Variants in PALLD observed in about 807,000 individuals in gnomAD.
PALLD encodes palladin.
In PALLD, 61 loss-of-function variants were observed where a neutral mutation model predicts 123.5. The ratio of observed to expected loss-of-function variants is 0.49; its 90% CI spans 0.40 to 0.61. The LOEUF (loss-of-function observed/expected upper bound fraction) is 0.61. Ranked by LOEUF, PALLD falls within the 20% of genes least tolerant of loss-of-function variation. The pLI is 0.00. For synonymous variants in PALLD, 465 were observed against 496.4 expected, an observed-to-expected ratio of 0.94 and a Z score of 0.84; for missense variants, 1,273 against 1,377.0, an observed-to-expected ratio of 0.92 and a Z score of 1.20.
intron 2 of PALLD, among the ~76,000 whole-genome samples, chr4:168,658,898 C>T (rs1331289982): frequency 6.6e-6 from 1 of 152,206 alleles, no homozygotes; most frequent in Admixed American, 6.5e-5. Flanking sequence ...TAAAGTACAT[C>T]TGTTGTCCAC....
chr4:168,593,926 C>T (rs142553557), intron 2 of PALLD, among the ~76,000 whole-genome samples: 5 of 152,230 alleles, frequency 3.3e-5, no homozygotes, highest in Non-Finnish European at 5.9e-5. Flanking sequence ...TTCCAAAGTG[C>T]TCTGCTATGG....
intron 2 of PALLD, among the ~76,000 whole-genome samples, chr4:168,639,618 A>G (rs954830023): frequency 3.4e-5 from 5 of 147,946 alleles, no homozygotes; most frequent in Admixed American, 1.4e-4. Context: ...ATCTTGGCTC[A>G]CTGCAAGCTC....
At chr4:168,796,000 G>A (rs374726437) in intron 10 of PALLD, among the ~76,000 whole-genome samples, 1 of 152,266 alleles carries the variant, frequency 6.6e-6, no homozygotes. Flanking sequence ...GTGAAATCAT[G>A]GAGAATGGGG....
rs1554047277 is a variant in PALLD at position 168,593,440 on chromosome 4, A to AAAAAAAAAAAAG, written c.909-74744_909-74743insAAAAAGAAAAAA. Among the ~76,000 whole-genome samples the AAAAAAAAAAAAG allele has an allele frequency of 1.1e-4, 16 of 140,918 alleles. 1 individual carries two copies. The highest frequency in any genetic ancestry group is 2.2e-4 in the African/African-American group (8 of 36,272). The allele number at this position is 140,918 out of a possible 152,430, so 92.4% of individuals were successfully genotyped here. On this transcript the variant is annotated intron_variant, in intron 2 of 21. Coordinates refer to ENST00000505667, the MANE Select transcript of PALLD (RefSeq NM_001166108.2). Reference sequence around the variant, plus strand: ...AAGACACTACCAGTCACCAGGCAAAAAAAAAAGAAAAAAAGGAAGACGAGT... The same window carrying AAAAAAAAAAAAG: ...AAGACACTACCAGTCACCAGGCAAAAAAAAAAAAAAAGAAAAAAGAAAAAAAGGAAGACGAGT...
chr4:168,563,277 C>G (rs1191936955), intron 2 of PALLD, among the ~76,000 whole-genome samples: 1 of 152,070 alleles, frequency 6.6e-6, no homozygotes, highest in Non-Finnish European at 1.5e-5. Flanking sequence ...GAATCTGGAG[C>G]TCGGGGGAAA....
At chr4:168,767,444 T>G (rs557763637) in intron 10 of PALLD, among the ~76,000 whole-genome samples, 7 of 152,186 alleles carry the variant, frequency 4.6e-5, no homozygotes, top group Non-Finnish European at 1.0e-4. Flanking sequence ...AGAGATAACA[T>G]TGTTAACTTA....
chr4:168,560,635 G>A (rs1450982826), intron 2 of PALLD, among the ~76,000 whole-genome samples: 1 of 152,098 alleles, frequency 6.6e-6, no homozygotes, highest in Non-Finnish European at 1.5e-5. Flanking sequence ...CCATAGTACC[G>A]GTTTCTGTAT....
intron 2 of PALLD, among the ~76,000 whole-genome samples, chr4:168,644,581 G>C (rs975051091): frequency 2.6e-5 from 4 of 152,124 alleles, no homozygotes; most frequent in Non-Finnish European, 5.9e-5. Context: ...CCGACTTTCT[G>C]TTTGAGTGGA....
chr4:168,838,223 A>G (rs1745475760), intron 10 of PALLD, among the ~76,000 whole-genome samples: 1 of 152,192 alleles, frequency 6.6e-6, no homozygotes. Flanking sequence ...GTCAGGAAAG[A>G]TGAGGACAGT....
rs760148503 is a variant in PALLD at position 168,809,340 on chromosome 4, C to CT, written c.1965-81571dup. ...AATCCTTCTTCTTCTTCTTCTTCTT[C>CT]TTTTTTTTTTTGGAGAGACAGGGTC... is the stretch of plus-strand genomic sequence containing the variant. On this transcript the variant is annotated intron_variant, in intron 10 of 21. Coordinates refer to ENST00000505667, the MANE Select transcript of PALLD (RefSeq NM_001166108.2). Among the ~76,000 whole-genome samples the CT allele has an allele frequency of 1.3e-3, 82 of 61,468 alleles. No homozygotes were observed. The South Asian group carries it at 0.019, about 14-fold the overall frequency. 40.3% of individuals were successfully genotyped at this position (61,468 alleles called of 152,430 possible).
intron 2 of PALLD, among the ~76,000 whole-genome samples, chr4:168,608,353 G>A (rs1180415646): frequency 3.3e-5 from 5 of 152,104 alleles, no homozygotes; most frequent in Non-Finnish European, 5.9e-5. Context: ...TCTCAAGACG[G>A]TTTTAGTCTC....
At chr4:168,640,818 T>C (rs191899500) in intron 2 of PALLD, among the ~76,000 whole-genome samples, 3 of 152,358 alleles carry the variant, frequency 2.0e-5, no homozygotes, top group African/African-American at 7.2e-5. Flanking sequence ...ATGTTTCCTG[T>C]CTTTAAATTC....
chr4:168,716,808 TAGC>T (rs1487754907), intron 10 of PALLD, among the ~76,000 whole-genome samples: 1 of 152,196 alleles, frequency 6.6e-6, no homozygotes, highest in East Asian at 1.9e-4. Context: ...GAGAAGGAAA[TAGC>T]AGCCTTTATC....
chr4:168,785,168 G>A (rs1051681249), intron 10 of PALLD, among the ~76,000 whole-genome samples: 3 of 137,994 alleles, frequency 2.2e-5, no homozygotes, highest in South Asian at 2.5e-4. Flanking sequence ...CTGTTAGTAT[G>A]GAATTAGTTA....
chr4:168,521,192 AAAAC>A (rs1264913516), intron 2 of PALLD, among the ~76,000 whole-genome samples: 1 of 152,200 alleles, frequency 6.6e-6, no homozygotes, highest in Non-Finnish European at 1.5e-5. Flanking sequence ...AAAACAAAAA[AAAAC>A]AAAACACCTG....
At chr4:168,742,667 TAGTAGTTTTC>T (rs1301432832) in intron 10 of PALLD, among the ~76,000 whole-genome samples, 1 of 152,236 alleles carries the variant, frequency 6.6e-6, no homozygotes, top group Non-Finnish European at 1.5e-5. Context: ...CAGAATTTTT[TAGTAGTTTTC>T]AGTATTTCAA....
chr4:168,726,627 C>G (rs1170586460), intron 10 of PALLD, among the ~76,000 whole-genome samples: 1 of 152,096 alleles, frequency 6.6e-6, no homozygotes, highest in Non-Finnish European at 1.5e-5. Context: ...AAGCGATCCT[C>G]TAGCCTTAGC....
chr4:168,771,290 A>G (rs1407043786), intron 10 of PALLD, among the ~76,000 whole-genome samples: 1 of 152,224 alleles, frequency 6.6e-6, no homozygotes, highest in African/African-American at 2.4e-5. Flanking sequence ...GAGTTATGCA[A>G]GCCTAATATT....
At chr4:168,880,357 C>T (rs1281492735) in intron 10 of PALLD, among the ~76,000 whole-genome samples, 1 of 152,056 alleles carries the variant, frequency 6.6e-6, no homozygotes, top group African/African-American at 2.4e-5. Context: ...AAAACTGTAC[C>T]CAAAGATAGT....
Sources: allele counts gnomAD v4.1 joint callset (sites outside exome capture counted in the v4.1 genomes callset), GRCh38; gene constraint gnomAD v4.1.1; transcripts MANE v1.5; gene names NCBI Gene and HGNC (gene_info 2026-07-23, HGNC 2026-07-21).